The following NOC3L variants were observed in gnomAD, a reference collection of about 807,000 sequenced individuals.
NOC3L encodes the protein nucleolar complex protein 3 homolog.
NOC3L carries 85 observed loss-of-function variants against 102.5 expected under a neutral mutation model. That is an observed-to-expected ratio of 0.83 (90% CI 0.70 to 0.99). The LOEUF is 0.99. NOC3L is among the 50% of genes least tolerant of loss of function. The pLI is 0.00. For synonymous variants in NOC3L, 303 were observed against 309.4 expected (o/e 0.98, Z 0.22); for missense variants, 878 against 914.9 (o/e 0.96, Z 0.52).
intron 8 of NOC3L, among the ~76,000 whole-genome samples, chr10:94,351,687 C>A (rs1162208891): frequency 6.7e-6 from 1 of 150,374 alleles, no homozygotes; most frequent in Non-Finnish European, 1.5e-5. Flanking sequence ...GGCCATCATG[C>A]CTAATTTTTT....
intron 7 of NOC3L, 46 bp downstream of exon 7, chr10:94,352,850 G>T: frequency 2.6e-6 from 4 of 1,522,016 alleles, no homozygotes; most frequent in South Asian, 1.2e-5. Context: ...TCTCCAAAAT[G>T]TTTAGTTATT....
chr10:94,361,667 G>C lies in NOC3L; in HGVS notation c.215C>G (p.Pro72Arg). 2 of 1,612,404 alleles carry C rather than the reference G, an allele frequency of 1.2e-6. No individual in the cohort carries two copies. Among genetic ancestry groups the C allele is most frequent in the East Asian group, 2.2e-5 (1 of 44,858 alleles). Reference protein sequence around the residue: ...IPLENPKEKRPGKRIEREEEE... With the variant: ...IPLENPKEKRRGKRIEREEEE... ...GCACATGATGTTTTCACAATTACCT[G>C]GTCGCTTTTCCTTTGGGTTCTCCAA... The change falls in exon 2 of 21, where the codon CCA becomes CGA. Residue 72 changes from proline (P) to arginine (R), a missense_variant and splice_region_variant. By Grantham distance (103) the Pro-to-Arg change is moderately radical. Transcript: ENST00000371361.
chr10:94,349,963 T>A, intron 9 of NOC3L, 150 bp downstream of exon 9: 1 of 611,794 alleles, frequency 1.6e-6, no homozygotes, highest in Admixed American at 2.8e-5. Flanking sequence ...TTTCACCATG[T>A]TAGCTGGGGT....
At chr10:94,340,654 G>A (rs541070642) in intron 14 of NOC3L, among the ~76,000 whole-genome samples, 158 bp from the exon 15 acceptor site, 9 of 152,172 alleles carry the variant, frequency 5.9e-5, no homozygotes, top group East Asian at 1.9e-4. Context: ...TTGAGCCCAG[G>A]AGTTCAAGAC....
At position 94,357,305 on chromosome 10, in the gene NOC3L, T is replaced by C; in HGVS notation, c.377A>G (p.Lys126Arg). 6.2e-7 allele frequency: 1 copy of C among 1,601,056 alleles called. No individual in the cohort carries two copies. Among genetic ancestry groups the C allele is most frequent in the Non-Finnish European group, 8.5e-7 (1 of 1,174,260 alleles). The stretch of plus-strand genomic sequence containing the variant: ...ATATTTATCTATAATGCGTTCATGC[T>C]TCCGTTTCTTCGCATGAACAGGCTC... ...SSEPVHAKKR[K>R]HERIIDKYEK... The change falls in exon 4 of 21, where the codon AAG becomes AGG. Residue 126 changes from lysine (K) to arginine (R), a missense_variant. By Grantham distance (26) the Lys-to-Arg change is conservative (BLOSUM62 2). Coordinates refer to ENST00000371361, the MANE Select transcript of NOC3L (RefSeq NM_022451.11).
At chr10:94,339,300 A>C (rs1368471264) in intron 17 of NOC3L, among the ~76,000 whole-genome samples, 2 of 152,146 alleles carry the variant, frequency 1.3e-5, no homozygotes, top group Admixed American at 1.3e-4. Flanking sequence ...TGGAAGGCAC[A>C]TAGTCAGAAC....
chr10:94,348,456 T>C (rs893930948), intron 10 of NOC3L, among the ~76,000 whole-genome samples: 13 of 152,052 alleles, frequency 8.5e-5, no homozygotes, highest in African/African-American at 2.9e-4. Context: ...TTTCGTTTCT[T>C]TTGTTACTAT....
intron 20 of NOC3L, 70 bp from the exon 21 acceptor site, chr10:94,334,375 G>T: frequency 4.1e-6 from 4 of 975,136 alleles, no homozygotes; most frequent in Non-Finnish European, 6.2e-6. Flanking sequence ...TGTGAACCAA[G>T]TTGAAAATGG....
At chr10:94,357,972 T>A (rs1466607739) in intron 3 of NOC3L, 111 bp downstream of exon 3, 2 of 714,122 alleles carry the variant, frequency 2.8e-6, no homozygotes, top group Non-Finnish European at 5.0e-6. Flanking sequence ...ACTTTATTCT[T>A]TGTAAACATT....
the NOC3L span, among the ~76,000 whole-genome samples, chr10:94,317,062 C>A: frequency 6.6e-6 from 1 of 152,158 alleles, no homozygotes; most frequent in Non-Finnish European, 1.5e-5. Context: ...ACCAGCCTGG[C>A]CAACATGGCG....
downstream of NOC3L, chr10:94,332,633 T>C (rs1439289063): frequency 1.3e-5 from 2 of 152,130 alleles, 1 homozygote; most frequent in Middle Eastern, 6.3e-3. Flanking sequence ...CAAATATAGA[T>C]GTATAATTTT....
At chr10:94,358,256 A>C in intron 2 of NOC3L, 41 bp from the exon 3 acceptor site, 1 of 1,083,914 alleles carries the variant, frequency 9.2e-7, no homozygotes. Context: ...AATTAGAAAC[A>C]AGTATCAGAG....
At chr10:94,361,491 T>G in intron 2 of NOC3L, 174 bp downstream of exon 2, 1 of 602,830 alleles carries the variant, frequency 1.7e-6, no homozygotes. Flanking sequence ...TTTCTCATAC[T>G]GACTGTGATA....
intron 10 of NOC3L, 57 bp downstream of exon 10, chr10:94,349,193 T>C: frequency 6.5e-7 from 1 of 1,548,256 alleles, no homozygotes; most frequent in East Asian, 2.3e-5. Context: ...TCATAACAAC[T>C]GAAAATCAAC....
chr10:94,340,507 A>C lies in NOC3L; in HGVS notation c.1645-11T>G. 1 of 1,337,792 alleles carries C rather than the reference A, an allele frequency of 7.5e-7. No homozygotes were observed. The highest frequency in any genetic ancestry group is 1.0e-6 in the Non-Finnish European group (1 of 973,612). 82.9% of individuals were successfully genotyped at this position (1,337,792 alleles called of 1,614,324 possible). On this transcript the variant is annotated splice_polypyrimidine_tract_variant and intron_variant, in intron 14 of 20. Transcript: ENST00000371361. ...TTGATAGCTTAGGTCCTTTAAAAAAAAAAGGGGGGGGTGAGGGGGATGGAA... is the reference window on the plus strand; with the variant it reads ...TTGATAGCTTAGGTCCTTTAAAAAACAAAGGGGGGGGTGAGGGGGATGGAA...
At chr10:94,324,981 A>T in the NOC3L span, 2 of 1,614,158 alleles carry the variant, frequency 1.2e-6, no homozygotes, top group Non-Finnish European at 1.7e-6. Flanking sequence ...GAGGACTTAC[A>T]TCACCTTCTC....
chr10:94,356,585 T>A lies in NOC3L; in HGVS notation c.515A>T (p.Asp172Val), dbSNP rs747811579. The A allele has an allele frequency of 6.5e-7, 1 of 1,548,866 alleles. No homozygotes were observed. Among genetic ancestry groups the A allele is most frequent in the Admixed American group, 1.7e-5 (1 of 59,796 alleles). ...IPQTREKPVT[D>V]SNKDEEDQEE... ...TTGATCCTCTTCATCTTTGTTACTA[T>A]CAGTAACTATATGGAAAACATATGT... The change falls in exon 5 of 21, where the codon GAT becomes GTT. Residue 172 changes from aspartate to valine, a missense_variant. Transcript: ENST00000371361.
chr10:94,349,962 G>A, intron 9 of NOC3L, 151 bp downstream of exon 9: 1 of 610,242 alleles, frequency 1.6e-6, no homozygotes, highest in Middle Eastern at 2.7e-4. Flanking sequence ...GTTTCACCAT[G>A]TTAGCTGGGG....
At chr10:94,351,387 C>CA (rs1202069921) in intron 8 of NOC3L, among the ~76,000 whole-genome samples, 2 of 152,188 alleles carry the variant, frequency 1.3e-5, no homozygotes, top group African/African-American at 4.8e-5. Context: ...GCCTAGGCAA[C>CA]AACTGTCTTC....
Sources: gnomAD v4.1 joint callset for allele counts (sites outside exome capture counted in the v4.1 genomes callset) on GRCh38, gnomAD v4.1.1 for gene constraint, MANE v1.5 for transcripts, NCBI Gene and HGNC (gene_info 2026-07-23, HGNC 2026-07-21) for gene names.